The following SCN11A variants were observed in gnomAD, a reference collection of about 807,000 sequenced individuals.
SCN11A encodes sodium channel protein type 11 subunit alpha.
A neutral mutation model predicts 162.2 loss-of-function variants in SCN11A; 122 were observed. The observed-to-expected ratio is 0.75, with a 90% confidence interval of 0.65 to 0.87. The LOEUF is 0.87. Among genes scored for constraint, SCN11A ranks in the 40% least tolerant of loss-of-function variants. The pLI is 0.00. For synonymous variants in SCN11A, 758 were observed against 751.5 expected (o/e 1.01, Z -0.14); for missense variants, 2,015 against 2,181.6 (o/e 0.92, Z 1.52).
intron 2 of SCN11A, among the ~76,000 whole-genome samples, chr3:38,973,663 A>C (rs572461807): frequency 1.7e-4 from 26 of 152,222 alleles, no homozygotes; most frequent in Non-Finnish European, 3.2e-4. Context: ...AGCACTCTAA[A>C]GATAAATAGA....
chr3:39,002,836 G>A (rs865853680), intron 2 of SCN11A, among the ~76,000 whole-genome samples: 10 of 152,160 alleles, frequency 6.6e-5, no homozygotes, highest in Middle Eastern at 3.2e-3. Flanking sequence ...TGCTTGGCCA[G>A]GAGAAGGATA....
chr3:38,889,003 AT>A (rs1251532793), intron 19 of SCN11A, among the ~76,000 whole-genome samples: 6 of 152,138 alleles, frequency 3.9e-5, no homozygotes, highest in African/African-American at 7.2e-5. Context: ...CTGAAATTAA[AT>A]TTTTTTTAAT....
rs76943977 is a variant in SCN11A, at chr3:39,041,167, G to T, written c.-403-8664C>A. 3.9e-3 allele frequency among the ~76,000 whole-genome samples: 587 copies of T among 151,958 alleles called. 4 individuals are homozygous for T. The highest frequency in any genetic ancestry group is 0.013 in the African/African-American group (559 of 41,456). The stretch of plus-strand genomic sequence containing the variant: ...CCAGTCAGACTAAAAAAAGAAAAAA[G>T]AATTCAAAAAGAATAAAGAAAGCCT... On this transcript the variant is annotated intron_variant, in intron 1 of 29. Transcript: ENST00000302328.
At chr3:38,958,750 T>C (rs1269254133) in intron 3 of SCN11A, among the ~76,000 whole-genome samples, 1 of 152,194 alleles carries the variant, frequency 6.6e-6, no homozygotes, top group Non-Finnish European at 1.5e-5. Context: ...AACAAGAACA[T>C]TTTCATAAAG....
intron 7 of SCN11A, among the ~76,000 whole-genome samples, chr3:38,944,698 C>A (rs550908200): frequency 7.2e-5 from 11 of 152,050 alleles, no homozygotes; most frequent in African/African-American, 2.4e-4. Context: ...CAGTGGCTCA[C>A]GCCTGTAATC....
rs1284877398 is a variant in SCN11A, at chr3:38,863,233, C to T, written c.4018G>A (p.Gly1340Arg). 19 of 1,608,236 alleles carry T rather than the reference C, an allele frequency of 1.2e-5. No homozygotes were observed. Among genetic ancestry groups the T allele is most frequent in the Non-Finnish European group, 1.4e-5 (17 of 1,175,084 alleles). ...ATGGGTTTTTGAGGTTTTTTGGATCCTAATTTTTTCATTGCATTATAGTAT... is the reference window on the plus strand; with the variant it reads ...ATGGGTTTTTGAGGTTTTTTGGATCTTAATTTTTTCATTGCATTATAGTAT... Reference protein sequence around the residue: ...KKYYNAMKKLGSKKPQKPIPR... With the variant: ...KKYYNAMKKLRSKKPQKPIPR... Residue 1340 changes from glycine to arginine, a missense_variant, in exon 28 of 30, where the codon GGA becomes AGA. Coordinates refer to ENST00000302328, the MANE Select transcript of SCN11A (RefSeq NM_001349253.2).
chr3:39,019,359 AC>A (rs1469001633), intron 2 of SCN11A, among the ~76,000 whole-genome samples: 2 of 152,126 alleles, frequency 1.3e-5, no homozygotes, highest in African/African-American at 4.8e-5. Flanking sequence ...CCAACCAATT[AC>A]CAGCAAGCAC....
rs77422488 is a variant in SCN11A at position 39,021,280 on chromosome 3, G to T, written c.-280+11100C>A. Reference sequence around the variant, plus strand: ...TGATTGGTGAAGTCTCTAGGTAGAGGTTAGTTGGCAGTTTCTGATTGGTTA... The same window carrying T: ...TGATTGGTGAAGTCTCTAGGTAGAGTTTAGTTGGCAGTTTCTGATTGGTTA... On this transcript the variant is annotated intron_variant, in intron 2 of 29. Transcript: ENST00000302328. 3.8e-3 allele frequency among the ~76,000 whole-genome samples: 580 copies of T among 152,234 alleles called. 5 individuals are homozygous for T. Among genetic ancestry groups the T allele is most frequent in the African/African-American group, 0.013 (553 of 41,530 alleles).
chr3:38,905,543 C>T (rs1464178905), intron 14 of SCN11A, among the ~76,000 whole-genome samples: 2 of 152,224 alleles, frequency 1.3e-5, no homozygotes, highest in Non-Finnish European at 2.9e-5. Flanking sequence ...TATGCATGCA[C>T]ATTTCTAGAG....
chr3:38,855,259 C>A (rs745919644), intron 28 of SCN11A, among the ~76,000 whole-genome samples: 5 of 152,200 alleles, frequency 3.3e-5, no homozygotes, highest in Admixed American at 6.5e-5. Flanking sequence ...CTATCCCCCA[C>A]TTCTCTGGTG....
intron 15 of SCN11A, among the ~76,000 whole-genome samples, chr3:38,904,825 T>C (rs1256263600): frequency 6.6e-6 from 1 of 152,178 alleles, no homozygotes; most frequent in Non-Finnish European, 1.5e-5. Flanking sequence ...AACTGCCACC[T>C]CCTGGAGACT....
intron 8 of SCN11A, among the ~76,000 whole-genome samples, 164 bp downstream of exon 8, chr3:38,926,639 T>C (rs978954438): frequency 2.0e-5 from 3 of 152,176 alleles, no homozygotes; most frequent in African/African-American, 7.2e-5. Flanking sequence ...CTCTGGCCAA[T>C]TGGCTGCACG....
At chr3:38,922,500 A>G (rs112022852) in intron 9 of SCN11A, among the ~76,000 whole-genome samples, 1 of 152,342 alleles carries the variant, frequency 6.6e-6, no homozygotes, top group African/African-American at 2.4e-5. Flanking sequence ...AGTGCATTTA[A>G]TGGGCCAAAA....
chr3:38,870,636 A>T, intron 26 of SCN11A, 55 bp downstream of exon 26: 2 of 1,470,072 alleles, frequency 1.4e-6, no homozygotes. Context: ...CCATGTAGTC[A>T]TGATATCTCT....
At chr3:38,992,482 C>A (rs2030482902) in intron 2 of SCN11A, among the ~76,000 whole-genome samples, 1 of 152,236 alleles carries the variant, frequency 6.6e-6, no homozygotes, top group Non-Finnish European at 1.5e-5. Flanking sequence ...AAACTGCATC[C>A]TCTGGTGGAT....
intron 12 of SCN11A, 44 bp downstream of exon 12, chr3:38,910,022 T>C: frequency 1.1e-5 from 17 of 1,580,176 alleles, no homozygotes; most frequent in Non-Finnish European, 1.5e-5. Flanking sequence ...AGGAAAAGGA[T>C]GGAGGGAGGG....
chr3:38,861,995 C>G lies in SCN11A; in HGVS notation c.4056+1200G>C, dbSNP rs2064971582. On this transcript the variant is annotated intron_variant, in intron 28 of 29. Coordinates refer to ENST00000302328, the MANE Select transcript of SCN11A (RefSeq NM_001349253.2). ...AAATATTCACAAACTATGCATCTGA[C>G]AAAAGACTAATTTTCAGGATCTACA... 3.3e-5 allele frequency among the ~76,000 whole-genome samples: 5 copies of G among 152,052 alleles called. No homozygotes were observed. In the South Asian group the frequency reaches 1.0e-3, roughly 32 times the overall value.
chr3:39,046,459 A>C (rs1312346016), intron 1 of SCN11A, among the ~76,000 whole-genome samples: 1 of 152,224 alleles, frequency 6.6e-6, no homozygotes, highest in Non-Finnish European at 1.5e-5. Context: ...TCTACAGATT[A>C]AATGGAATCC....
At chr3:39,002,581 T>G (rs962722431) in intron 2 of SCN11A, among the ~76,000 whole-genome samples, 1 of 152,244 alleles carries the variant, frequency 6.6e-6, no homozygotes, top group Non-Finnish European at 1.5e-5. Flanking sequence ...ATCAAGGGTA[T>G]GTAAGATGTG....
Sources: allele counts gnomAD v4.1 joint callset (sites outside exome capture counted in the v4.1 genomes callset), GRCh38; gene constraint gnomAD v4.1.1; transcripts MANE v1.5; gene names NCBI Gene and HGNC (gene_info 2026-07-23, HGNC 2026-07-21).